The following CEP112 variants were observed in gnomAD, a reference collection of about 807,000 sequenced individuals.
CEP112 encodes centrosomal protein of 112 kDa.
A neutral mutation model predicts 153.0 loss-of-function variants in CEP112; 127 were observed. The observed-to-expected ratio is 0.83, with a 90% CI of 0.72 to 0.96. The LOEUF is 0.96. CEP112 is among the 40% of genes least tolerant of loss of function. The pLI is 0.00. For missense variants in CEP112, 1,089 were observed against 1,101.2 expected (o/e 0.99, Z 0.16); for synonymous variants, 358 against 374.4 (o/e 0.96, Z 0.51).
intron 21 of CEP112, among the ~76,000 whole-genome samples, chr17:65,760,775 A>ATTTT (rs1312894792): frequency 6.6e-6 from 1 of 152,078 alleles, no homozygotes; most frequent in Non-Finnish European, 1.5e-5. Flanking sequence ...TGAGTTAGGA[A>ATTTT]TTATTTCCTC....
chr17:66,130,794 C>T, intron 5 of CEP112, among the ~76,000 whole-genome samples: 1 of 136,578 alleles, frequency 7.3e-6, no homozygotes, highest in Admixed American at 7.5e-5. Context: ...AAAAAAAAAA[C>T]ACACACAATT....
At chr17:65,846,390 G>A (rs576021157) in intron 21 of CEP112, among the ~76,000 whole-genome samples, 1 of 152,256 alleles carries the variant, frequency 6.6e-6, no homozygotes, top group East Asian at 1.9e-4. Context: ...TGATATGAAG[G>A]AAATCAAAAC....
rs148213487 is a variant in CEP112, at chr17:65,654,887, G to A, written c.2698-13822C>T. 230 of 527,828 alleles carry A rather than the reference G, an allele frequency of 4.4e-4. 3 individuals are homozygous for A. The highest frequency in any genetic ancestry group is 4.3e-3 in the African/African-American group (223 of 51,754). 32.7% of individuals were successfully genotyped at this position (527,828 alleles called of 1,614,324 possible). On this transcript the variant is annotated intron_variant, in intron 24 of 26. Coordinates refer to ENST00000535342, the MANE Select transcript of CEP112 (RefSeq NM_001199165.4). ...TAAGATTGAGGTTGTCACTGGGGTC[G>A]TACCATGGCAGCAAAGACTCAGAAG...
chr17:65,966,191 G>A (rs1490291464), intron 17 of CEP112, among the ~76,000 whole-genome samples: 1 of 152,176 alleles, frequency 6.6e-6, no homozygotes, highest in Non-Finnish European at 1.5e-5. Context: ...TTCCTCATCT[G>A]AGTATATAAA....
chr17:65,839,637 T>C (rs2057444090), intron 21 of CEP112, among the ~76,000 whole-genome samples: 1 of 152,100 alleles, frequency 6.6e-6, no homozygotes, highest in African/African-American at 2.4e-5. Context: ...TCACCATTTC[T>C]ATTCAACACA....
At chr17:65,865,598 C>T (rs1485337519) in intron 20 of CEP112, among the ~76,000 whole-genome samples, 1 of 152,192 alleles carries the variant, frequency 6.6e-6, no homozygotes, top group African/African-American at 2.4e-5. Context: ...CCTCCCTCCC[C>T]ATAGGTCTCA....
chr17:66,015,036 C>G lies in CEP112; in HGVS notation c.1657-9267G>C, dbSNP rs145718521. 7.0e-4 allele frequency among the ~76,000 whole-genome samples: 107 copies of G among 152,292 alleles called. 1 individual carries two copies. The highest frequency in any genetic ancestry group is 2.5e-3 in the African/African-American group (104 of 41,562). On this transcript the variant is annotated intron_variant, in intron 16 of 26. Coordinates refer to ENST00000535342, the MANE Select transcript of CEP112 (RefSeq NM_001199165.4). ...TTTGCTGGTATTTTGTCAAGGACAT[C>G]GTCTTTGGAAACAGATTTTAATTAC...
intron 21 of CEP112, among the ~76,000 whole-genome samples, chr17:65,777,114 G>A (rs563079498): frequency 6.6e-6 from 1 of 152,256 alleles, no homozygotes; most frequent in East Asian, 1.9e-4. Context: ...CATGTAAATG[G>A]AGGCACTGTG....
intron 21 of CEP112, among the ~76,000 whole-genome samples, chr17:65,770,782 T>C (rs921454244): frequency 4.0e-5 from 6 of 151,876 alleles, no homozygotes; most frequent in Non-Finnish European, 8.8e-5. Flanking sequence ...TTAAGATGTA[T>C]ATAATAAAAC....
intron 16 of CEP112, 37 bp from the exon 17 acceptor site, chr17:66,005,806 C>G: frequency 6.4e-7 from 1 of 1,563,390 alleles, no homozygotes; most frequent in Non-Finnish European, 8.7e-7. Flanking sequence ...TATTGGAAGA[C>G]GAGTAAAGTT....
At chr17:65,920,439 T>A (rs940470301) in intron 19 of CEP112, among the ~76,000 whole-genome samples, 9 of 132,914 alleles carry the variant, frequency 6.8e-5, no homozygotes, top group South Asian at 2.4e-4. Context: ...TACATATATT[T>A]TATATATATA....
intron 9 of CEP112, 49 bp downstream of exon 9, chr17:66,069,866 G>A (rs368679468): frequency 9.6e-7 from 1 of 1,046,086 alleles, no homozygotes; most frequent in East Asian, 2.5e-5. Flanking sequence ...ATAAAACCTA[G>A]AATATTTTTA....
At chr17:65,735,856 A>T (rs1022746497) in intron 23 of CEP112, among the ~76,000 whole-genome samples, 4 of 152,100 alleles carry the variant, frequency 2.6e-5, no homozygotes, top group Admixed American at 2.6e-4. Context: ...GGTCTCAGGG[A>T]CTCATCGGAG....
At chr17:65,916,358 A>C (rs983737749) in intron 19 of CEP112, among the ~76,000 whole-genome samples, 2 of 150,300 alleles carry the variant, frequency 1.3e-5, no homozygotes, top group African/African-American at 2.5e-5. Context: ...AAGGGTAAAG[A>C]CTCTATATTT....
chr17:65,859,439 CA>C (rs57675567), intron 20 of CEP112, among the ~76,000 whole-genome samples: 69,333 of 93,482 alleles, frequency 0.74, 23,493 homozygotes, highest in Middle Eastern at 0.86. Context: ...GACTCCATCT[CA>C]AAAAAAAAAA....
At chr17:65,827,453 C>G (rs1035694049) in intron 21 of CEP112, among the ~76,000 whole-genome samples, 6 of 152,096 alleles carry the variant, frequency 3.9e-5, no homozygotes, top group African/African-American at 1.2e-4. Context: ...AAAAATATAT[C>G]CAGAATATGA....
intron 18 of CEP112, among the ~76,000 whole-genome samples, chr17:65,936,590 C>G (rs998211523): frequency 1.3e-5 from 2 of 152,070 alleles, no homozygotes; most frequent in Non-Finnish European, 2.9e-5. Context: ...TAACCACGAT[C>G]AAGAGGAATT....
chr17:65,703,081 G>C lies in CEP112; in HGVS notation c.2608-13863C>G, dbSNP rs76311987. On this transcript the variant is annotated intron_variant, in intron 23 of 26. Coordinates refer to ENST00000535342, the MANE Select transcript of CEP112 (RefSeq NM_001199165.4). ...TATCTGTAGTTTCAAGCAACCACTG[G>C]GATCTTGGAATGGAACCCCTGTGCA... Among the ~76,000 whole-genome samples the C allele has an allele frequency of 7.2e-3, 1,100 of 152,200 alleles. 14 individuals carry two copies. Among genetic ancestry groups the C allele is most frequent in the African/African-American group, 0.025 (1,036 of 41,514 alleles).
At chr17:66,129,581 A>G (rs2070030289) in intron 6 of CEP112, among the ~76,000 whole-genome samples, 165 bp downstream of exon 6, 1 of 152,198 alleles carries the variant, frequency 6.6e-6, no homozygotes, top group Non-Finnish European at 1.5e-5. Flanking sequence ...ATGTTTGTTC[A>G]GAATGTTATT....
Sources: gnomAD v4.1 joint callset for allele counts (sites outside exome capture counted in the v4.1 genomes callset) on GRCh38, gnomAD v4.1.1 for gene constraint, MANE v1.5 for transcripts, NCBI Gene and HGNC (gene_info 2026-07-23, HGNC 2026-07-21) for gene names.